CTIF: variants seen among roughly 807,000 people sequenced by gnomAD.
The protein encoded by CTIF is CBP80/20-dependent translation initiation factor.
A neutral mutation model predicts 66.0 loss-of-function variants in CTIF; 21 were observed. The ratio of observed to expected loss-of-function variants is 0.32; its 90% confidence interval spans 0.23 to 0.46. The LOEUF is 0.46. Among genes scored for constraint, CTIF ranks in the 20% least tolerant of loss-of-function variants. The pLI, the probability that CTIF is intolerant of heterozygous loss-of-function variation, is 1.00. For synonymous variants in CTIF, 345 were observed against 326.4 expected (o/e 1.06, Z -0.62); for missense variants, 739 against 812.7 (o/e 0.91, Z 1.10).
chr18:48,711,757 C>T (rs551890865), intron 7 of CTIF, 62 bp downstream of exon 7: 183 of 1,423,650 alleles, frequency 1.3e-4, no homozygotes, highest in Middle Eastern at 1.8e-4. Context: ...TCTGTAGCGA[C>T]GTCAGCTTTG....
In CTIF at chr18:48,598,268, C is replaced by T. The variant is rs370594469; in HGVS notation, c.-28-21270C>T. ...CCATAGTTGCTTTATAAGTCACAAA[C>T]GAACAATCAAAACCACCTAACTTAG... On this transcript the variant is annotated intron_variant, in intron 1 of 11. Transcript: ENST00000256413. Among the ~76,000 whole-genome samples, 54 of 152,326 alleles carry T rather than the reference C, an allele frequency of 3.5e-4. 1 individual carries two copies. Among genetic ancestry groups the T allele is most frequent in the African/African-American group, 1.3e-3 (53 of 41,564 alleles).
Position 48,758,155 on chromosome 18 carries a change from C to A in CTIF, c.821C>A (p.Thr274Asn). 6.2e-7 allele frequency: 1 copy of A among 1,614,078 alleles called. No individual in the cohort carries two copies. Among genetic ancestry groups the A allele is most frequent in the Non-Finnish European group, 8.5e-7 (1 of 1,180,014 alleles). ...EAGAHRNAKE[T>N]MTIENPKLED... ...GGCGCACACCGCAATGCCAAAGAGACCATGACCATCGAGAACCCAAAACTG... is the reference window on the plus strand; with the variant it reads ...GGCGCACACCGCAATGCCAAAGAGAACATGACCATCGAGAACCCAAAACTG... Residue 274 changes from threonine to asparagine, a missense_variant, in exon 8 of 12, where the codon ACC (threonine) becomes AAC (asparagine). Coordinates refer to ENST00000256413, the MANE Select transcript of CTIF (RefSeq NM_014772.3).
intron 3 of CTIF, among the ~76,000 whole-genome samples, chr18:48,640,126 T>C (rs1252268044): frequency 6.6e-6 from 1 of 152,078 alleles, no homozygotes. Flanking sequence ...GTTCCCTTCA[T>C]CCTTCAAGGC....
At chr18:48,736,219 G>A (rs1240949477) in intron 7 of CTIF, among the ~76,000 whole-genome samples, 5 of 152,300 alleles carry the variant, frequency 3.3e-5, no homozygotes, top group Non-Finnish European at 7.4e-5. Flanking sequence ...ATGGGGCTGT[G>A]GTTAATGAGC....
intron 2 of CTIF, among the ~76,000 whole-genome samples, chr18:48,626,645 GT>G (rs59275308): frequency 0.016 from 1,903 of 122,558 alleles, 27 homozygotes; most frequent in Middle Eastern, 0.058. Context: ...GCACCTGGCC[GT>G]TTTTTTTTTG....
chr18:48,763,441 C>T (rs983444915), intron 9 of CTIF, among the ~76,000 whole-genome samples: 2 of 152,246 alleles, frequency 1.3e-5, no homozygotes, highest in Non-Finnish European at 2.9e-5. Flanking sequence ...ATGGCCCCTG[C>T]ACTCACCTCT....
chr18:48,669,793 T>TG (rs1568120522), intron 5 of CTIF, among the ~76,000 whole-genome samples: 1 of 47,252 alleles, frequency 2.1e-5, no homozygotes, highest in African/African-American at 8.4e-5. Context: ...AGCTAAACAT[T>TG]TATATATATA....
chr18:48,652,964 T>C (rs962226475), intron 3 of CTIF, among the ~76,000 whole-genome samples: 17 of 152,188 alleles, frequency 1.1e-4, no homozygotes, highest in African/African-American at 4.1e-4. Context: ...AACTAGGTAT[T>C]GATGGGATGT....
intron 3 of CTIF, among the ~76,000 whole-genome samples, chr18:48,649,501 G>A (rs542947635): frequency 1.2e-4 from 19 of 152,320 alleles, no homozygotes; most frequent in Non-Finnish European, 2.2e-4. Flanking sequence ...TGTTGCCTCT[G>A]TAGACTCCAC....
At chr18:48,698,623 T>G (rs2092040498) in intron 6 of CTIF, among the ~76,000 whole-genome samples, 1 of 152,256 alleles carries the variant, frequency 6.6e-6, no homozygotes, top group Non-Finnish European at 1.5e-5. Flanking sequence ...TATTAAAGAC[T>G]AAACAGAATA....
At chr18:48,626,945 CT>C (rs2090616017) in intron 2 of CTIF, among the ~76,000 whole-genome samples, 1 of 152,180 alleles carries the variant, frequency 6.6e-6, no homozygotes, top group Admixed American at 6.5e-5. Context: ...GCGTGAGCCA[CT>C]GTGCCTGGCC....
intron 8 of CTIF, among the ~76,000 whole-genome samples, chr18:48,759,120 A>T (rs550077387): frequency 6.6e-6 from 1 of 152,236 alleles, no homozygotes; most frequent in East Asian, 1.9e-4. Context: ...CCTCCAGAAG[A>T]GGGATGGGGA....
At chr18:48,838,518 T>G (rs910113387) in intron 10 of CTIF, among the ~76,000 whole-genome samples, 4 of 152,090 alleles carry the variant, frequency 2.6e-5, no homozygotes, top group Non-Finnish European at 5.9e-5. Context: ...CGAGTCCCCT[T>G]TATAGTCACA....
intron 9 of CTIF, among the ~76,000 whole-genome samples, chr18:48,776,732 C>G (rs972597349): frequency 6.6e-6 from 1 of 152,228 alleles, no homozygotes; most frequent in African/African-American, 2.4e-5. Flanking sequence ...GCAAGGAGGT[C>G]TAGGACTAGG....
Position 48,597,024 on chromosome 18 carries a change from C to A in CTIF, c.-28-22514C>A, listed in dbSNP as rs530773069. ...TTCCACCTCCACTGCATCATGTGGGCCCTGCCCCAAATTCCTGGTCTCCTG... is the reference window on the plus strand; with the variant it reads ...TTCCACCTCCACTGCATCATGTGGGACCTGCCCCAAATTCCTGGTCTCCTG... On this transcript the variant is annotated intron_variant, in intron 1 of 11. Coordinates refer to ENST00000256413, the MANE Select transcript of CTIF (RefSeq NM_014772.3). Among the ~76,000 whole-genome samples, 59 of 152,298 alleles carry A rather than the reference C, an allele frequency of 3.9e-4. 3 individuals are homozygous for A. In the South Asian group the frequency reaches 0.012, roughly 32 times the overall value.
rs150510670 is a variant in CTIF at position 48,821,984 on chromosome 18, C to G, written c.1527+4608C>G. Among the ~76,000 whole-genome samples the G allele has an allele frequency of 2.6e-5, 4 of 152,268 alleles. No individual in the cohort carries two copies. The East Asian group carries it at 7.7e-4, about 29-fold the overall frequency. ...CACCCATTGATTAGCGACTCCCCAT[C>G]TGCACTTCCCCCTAGCCTCTGGCAA... On this transcript the variant is annotated intron_variant, in intron 10 of 11. Coordinates refer to ENST00000256413, the MANE Select transcript of CTIF (RefSeq NM_014772.3).
At chr18:48,639,229 A>G (rs755530789) in intron 3 of CTIF, among the ~76,000 whole-genome samples, 1 of 152,232 alleles carries the variant, frequency 6.6e-6, no homozygotes, top group Non-Finnish European at 1.5e-5. Context: ...AATTGCTTAC[A>G]GCCACGGAAA....
At chr18:48,565,954 C>A (rs73956918) in intron 1 of CTIF, 1 of 152,302 alleles carries the variant, frequency 6.6e-6, no homozygotes, top group Non-Finnish European at 1.5e-5. Flanking sequence ...GAGTGAGTTG[C>A]CCAAGAGGCT....
At position 48,821,232 on chromosome 18, in the gene CTIF, C is replaced by T. The variant is rs570910929; in HGVS notation, c.1527+3856C>T. On this transcript the variant is annotated intron_variant, in intron 10 of 11. Coordinates refer to ENST00000256413, the MANE Select transcript of CTIF (RefSeq NM_014772.3). Reference sequence around the variant, plus strand: ...CTCTGTCCTTACTGCTCCATCCTCACCCCAGCCTCTTCACGTTGCCTTGTA... The same window carrying T: ...CTCTGTCCTTACTGCTCCATCCTCATCCCAGCCTCTTCACGTTGCCTTGTA... 2.6e-5 allele frequency among the ~76,000 whole-genome samples: 4 copies of T among 152,366 alleles called. 1 individual carries two copies. The highest frequency in any genetic ancestry group is 9.6e-5 in the African/African-American group (4 of 41,594).
Sources: allele counts gnomAD v4.1 joint callset (sites outside exome capture counted in the v4.1 genomes callset), GRCh38; gene constraint gnomAD v4.1.1; transcripts MANE v1.5; gene names NCBI Gene and HGNC (gene_info 2026-07-23, HGNC 2026-07-21).